ATAD2B: variants seen among roughly 807,000 people sequenced by gnomAD.
ATAD2B encodes the protein ATPase family AAA domain-containing protein 2B.
Under a neutral mutation model 167.6 loss-of-function variants are expected in ATAD2B, and 40 were observed. That is an observed-to-expected ratio of 0.24 (90% CI 0.19 to 0.31). The LOEUF is 0.31. ATAD2B is among the 10% of genes least tolerant of loss of function. The probability of loss-of-function intolerance (pLI) is 1.00; values close to 1 mark genes in which losing one functional copy is unlikely to be tolerated. For missense variants in ATAD2B, 1,242 were observed against 1,757.2 expected, an observed-to-expected ratio of 0.71 and a Z score of 5.24; for synonymous variants, 579 against 596.5, an observed-to-expected ratio of 0.97 and a Z score of 0.43.
intron 12 of ATAD2B, among the ~76,000 whole-genome samples, chr2:23,861,318 T>G (rs1694330495): frequency 6.6e-6 from 1 of 152,016 alleles, no homozygotes; most frequent in Non-Finnish European, 1.5e-5. Context: ...CTACTAAAGA[T>G]TAAATGTTTT....
intron 1 of ATAD2B, among the ~76,000 whole-genome samples, chr2:23,918,685 T>C (rs201956532): frequency 1.3e-5 from 2 of 151,564 alleles, no homozygotes; most frequent in African/African-American, 2.4e-5. Context: ...ACAGTAGGTA[T>C]ACTTACAGTA....
chr2:23,878,023 A>AAAAAAAAAAAAAAAAAAAAAAAG, intron 7 of ATAD2B, among the ~76,000 whole-genome samples: 1 of 144,352 alleles, frequency 6.9e-6, no homozygotes, highest in Non-Finnish European at 1.5e-5. Flanking sequence ...AGAAAAAAAA[A>AAAAAAAAAAAAAAAAAAAAAAAG]AAAAAAAAAA....
chr2:23,916,455 G>A lies in ATAD2B; in HGVS notation c.216+10100C>T, dbSNP rs113449631. ...TAAGTCCAAAAATAATGGCTGACAA[G>A]TTTTTAAAGTAATTTCTAAATTCAA... On this transcript the variant is annotated intron_variant, in intron 1 of 27. Transcript: ENST00000238789. 6.8e-3 allele frequency among the ~76,000 whole-genome samples: 1,033 copies of A among 152,200 alleles called. 15 individuals carry two copies. Among genetic ancestry groups the A allele is most frequent in the African/African-American group, 0.022 (925 of 41,526 alleles).
At chr2:23,770,800 A>G (rs942029319) in intron 22 of ATAD2B, among the ~76,000 whole-genome samples, 7 of 152,146 alleles carry the variant, frequency 4.6e-5, no homozygotes, top group African/African-American at 1.4e-4. Flanking sequence ...TTTATTTTCC[A>G]AAGTTGTTTT....
At chr2:23,885,692 AT>A (rs1273232735) in intron 5 of ATAD2B, 34 bp downstream of exon 5, 8 of 1,290,340 alleles carry the variant, frequency 6.2e-6, no homozygotes, top group Non-Finnish European at 6.5e-6. Flanking sequence ...AAAATGAAAA[AT>A]ATTTACAAAG....
chr2:23,706,075 T>C, the ATAD2B span, among the ~76,000 whole-genome samples: 38 of 152,218 alleles, frequency 2.5e-4, no homozygotes, highest in African/African-American at 8.4e-4. Flanking sequence ...CTGAGCTCCT[T>C]ATTATTCTCT....
chr2:23,865,558 T>C (rs1340551912), intron 10 of ATAD2B, among the ~76,000 whole-genome samples: 2 of 151,796 alleles, frequency 1.3e-5, no homozygotes, highest in Admixed American at 6.6e-5. Flanking sequence ...TTAAATGGCT[T>C]TAAAAATATA....
rs1675058006 is a variant in ATAD2B, at chr2:23,748,706, T to C, written c.*3340A>G. The stretch of plus-strand genomic sequence containing the variant: ...TTATTCAAGTATTTCACAGCAGTTA[T>C]ATTACAAATTACAGTAAATGTTCAA... On this transcript the variant is annotated 3_prime_UTR_variant, in exon 28 of 28. Coordinates refer to ENST00000238789, the MANE Select transcript of ATAD2B (RefSeq NM_017552.4). The C allele has an allele frequency of 6.6e-6, 1 of 152,186 alleles. No individual in the cohort carries two copies. Among genetic ancestry groups the C allele is most frequent in the Admixed American group, 6.6e-5 (1 of 15,258 alleles). 9.4% of individuals were successfully genotyped at this position (152,186 alleles called of 1,614,324 possible).
chr2:23,881,360 CTTTTTTTTTTTTT>C (rs11361642), intron 6 of ATAD2B, among the ~76,000 whole-genome samples: 1 of 80,210 alleles, frequency 1.2e-5, no homozygotes, highest in Non-Finnish European at 2.3e-5. Flanking sequence ...GTGATCAATT[CTTTTTTTTTTTTT>C]TTTTTTTTTT....
intron 22 of ATAD2B, among the ~76,000 whole-genome samples, chr2:23,767,319 A>G (rs555167092): frequency 1.3e-5 from 2 of 152,296 alleles, no homozygotes; most frequent in East Asian, 3.9e-4. Flanking sequence ...AACCCTAGCC[A>G]ACAGGAGAAG....
chr2:23,692,851 T>C, the ATAD2B span, among the ~76,000 whole-genome samples: 3 of 152,096 alleles, frequency 2.0e-5, no homozygotes, highest in Non-Finnish European at 2.9e-5. Context: ...GGGGCACTAC[T>C]GCTAACGAAG....
chr2:23,772,184 C>T lies in ATAD2B; in HGVS notation c.3134-6556G>A, dbSNP rs1678436722. Among the ~76,000 whole-genome samples the T allele has an allele frequency of 5.3e-5, 8 of 152,018 alleles. No homozygotes were observed. The South Asian group carries it at 1.7e-3, about 32-fold the overall frequency. On this transcript the variant is annotated intron_variant, in intron 22 of 27. Transcript: ENST00000238789. ...GGGTAAATAAATCGAGTCCCTTTTACTTCATCTTGGCCAGAAGAAGAAAAG... is the reference window on the plus strand; with the variant it reads ...GGGTAAATAAATCGAGTCCCTTTTATTTCATCTTGGCCAGAAGAAGAAAAG...
intron 22 of ATAD2B, among the ~76,000 whole-genome samples, chr2:23,768,690 T>C (rs181207870): frequency 1.2e-4 from 18 of 152,360 alleles, no homozygotes; most frequent in Admixed American, 5.9e-4. Flanking sequence ...AAGGATCTGC[T>C]TTCTCTTGCT....
Position 23,833,944 on chromosome 2 carries a change from A to T in ATAD2B, c.1703T>A (p.Phe568Tyr). 1 of 1,606,494 alleles carries T rather than the reference A, an allele frequency of 6.2e-7. No homozygotes were observed. The highest frequency in any genetic ancestry group is 8.5e-7 in the Non-Finnish European group (1 of 1,178,196). ...LRRPGRFDRE[F>Y]LFNLPDQKAR... Reference sequence around the variant, plus strand: ...CTTTTGATCAGGCAGGTTGAAGAGGAATTCTCTGTCAAAACGACCAGGTCT... The same window carrying T: ...CTTTTGATCAGGCAGGTTGAAGAGGTATTCTCTGTCAAAACGACCAGGTCT... The change falls in exon 14 of 28, where the codon TTC (phenylalanine) becomes TAC (tyrosine). Residue 568 changes from phenylalanine to tyrosine, a missense_variant. Transcript: ENST00000238789.
intron 7 of ATAD2B, 120 bp from the exon 8 acceptor site, chr2:23,876,024 T>C: frequency 1.4e-6 from 1 of 737,986 alleles, no homozygotes; most frequent in East Asian, 2.9e-5. Flanking sequence ...AGACAGAGTC[T>C]TGCTCTAACG....
At chr2:23,778,595 C>G (rs1679522738) in intron 22 of ATAD2B, among the ~76,000 whole-genome samples, 1 of 152,144 alleles carries the variant, frequency 6.6e-6, no homozygotes, top group Non-Finnish European at 1.5e-5. Flanking sequence ...CAAACACAAA[C>G]AGCTAACCTT....
At chr2:23,760,666 GAAA>G (rs1258468761) in intron 24 of ATAD2B, among the ~76,000 whole-genome samples, 1 of 94,450 alleles carries the variant, frequency 1.1e-5, no homozygotes. Flanking sequence ...TCTGTCTCAA[GAAA>G]AAAAAAAAAA....
At chr2:23,681,943 C>T in the ATAD2B span, among the ~76,000 whole-genome samples, 9 of 152,136 alleles carry the variant, frequency 5.9e-5, no homozygotes, top group Non-Finnish European at 1.2e-4. The surrounding 1 kb of genome is among the most constrained non-coding windows in gnomAD (Gnocchi z 4.2). Flanking sequence ...TGTGCGCAGG[C>T]GCCGCTGGGC....
chr2:23,834,109 G>C, intron 13 of ATAD2B, 31 bp from the exon 14 acceptor site: 4 of 938,780 alleles, frequency 4.3e-6, no homozygotes, highest in African/African-American at 1.9e-5. Context: ...AAAATTAAAA[G>C]AATTGTAAAC....
Sources: allele counts gnomAD v4.1 joint callset (sites outside exome capture counted in the v4.1 genomes callset), GRCh38; gene constraint gnomAD v4.1.1; non-coding constraint Gnocchi (gnomAD v3.1); transcripts MANE v1.5; gene names NCBI Gene and HGNC (gene_info 2026-07-23, HGNC 2026-07-21).